Variants in ATP10B observed in about 807,000 individuals in gnomAD.
The protein encoded by ATP10B is ATPase phospholipid transporting 10B (putative).
Under a neutral mutation model 141.2 loss-of-function variants are expected in ATP10B, and 122 were observed. The ratio of observed to expected loss-of-function variants is 0.86; its 90% CI spans 0.75 to 1.00. ATP10B has a LOEUF of 1.00. Among genes scored for constraint, ATP10B ranks in the 50% least tolerant of loss-of-function variants. The probability of loss-of-function intolerance (pLI) is 0.00; values close to 1 mark genes in which losing one functional copy is unlikely to be tolerated. For synonymous variants in ATP10B, 685 were observed against 692.0 expected, an observed-to-expected ratio of 0.99 and a Z score of 0.16; for missense variants, 1,876 against 1,825.3, an observed-to-expected ratio of 1.03 and a Z score of -0.51.
chr5:160,640,390 T>C, intron 10 of ATP10B, 71 bp downstream of exon 10: 2 of 1,549,434 alleles, frequency 1.3e-6, no homozygotes, highest in East Asian at 4.5e-5. Context: ...ACTTTATAAA[T>C]GAGGAAGCTG....
chr5:160,921,609 C>T, the ATP10B span, among the ~76,000 whole-genome samples: 1 of 152,226 alleles, frequency 6.6e-6, no homozygotes, highest in African/African-American at 2.4e-5. Context: ...TTTATAGTCA[C>T]TCTCTGTTTG....
At position 160,607,015 on chromosome 5, in the gene ATP10B, G is replaced by T. The variant is rs779229491; in HGVS notation, c.2910C>A (p.Asp970Glu). Reference protein sequence around the residue: ...LKQFRELQKPDRKLFGFRLPS... With the variant: ...LKQFRELQKPERKLFGFRLPS... The stretch of plus-strand genomic sequence containing the variant: ...GTAAGCGGAATCCAAAGAGCTTGCG[G>T]TCTGGCTTCTGTAGTTCACGAAATT... The change falls in exon 19 of 26, where the codon GAC (aspartate) becomes GAA (glutamate). Residue 970 changes from aspartate (D) to glutamate (E), a missense_variant. Physicochemically the swap from Asp to Glu is conservative, Grantham distance 45. Coordinates refer to ENST00000327245, the MANE Select transcript of ATP10B (RefSeq NM_025153.3). 2.7e-5 allele frequency: 43 copies of T among 1,614,028 alleles called. No homozygotes were observed. The South Asian group carries it at 4.6e-4, about 17-fold the overall frequency.
chr5:160,791,260 T>G (rs1157335347), intron 1 of ATP10B, among the ~76,000 whole-genome samples: 2 of 152,144 alleles, frequency 1.3e-5, no homozygotes, highest in Admixed American at 1.3e-4. Context: ...TAAATAAAGT[T>G]GTGTTGTTTT....
rs748970870 is a variant in ATP10B, at chr5:160,688,061, A to G, written c.14T>C (p.Val5Ala). 2.9e-5 allele frequency: 46 copies of G among 1,612,768 alleles called. No homozygotes were observed. The highest frequency in any genetic ancestry group is 3.9e-5 in the Non-Finnish European group (46 of 1,179,652). The change falls in exon 5 of 26, where the codon GTG becomes GCG. Residue 5 changes from valine (V) to alanine (A), a missense_variant. Transcript: ENST00000327245. The stretch of plus-strand genomic sequence containing the variant: ...CTGCCACCGATGCCACGATGAGTCC[A>G]CTGAGAGGGCCATTTCCAGCAGCAG... The part of the protein sequence containing the change: MALS[V>A]DSSWHRWQWR...
chr5:160,912,695 A>C, the ATP10B span, among the ~76,000 whole-genome samples: 2 of 152,062 alleles, frequency 1.3e-5, no homozygotes, highest in Non-Finnish European at 1.5e-5. Context: ...AGAAAAAAGA[A>C]AAAAGAAAAG....
intron 1 of ATP10B, among the ~76,000 whole-genome samples, chr5:160,793,482 G>GGATAGT (rs1771734724): frequency 6.6e-6 from 1 of 152,118 alleles, no homozygotes; most frequent in South Asian, 2.1e-4. Flanking sequence ...TATTTATATT[G>GGATAGT]TAAATACAGT....
At chr5:160,871,211 T>G in the ATP10B span, among the ~76,000 whole-genome samples, 5 of 152,086 alleles carry the variant, frequency 3.3e-5, no homozygotes, top group Admixed American at 3.3e-4. Context: ...AAAAATGCAA[T>G]ATGCTTTATT....
At chr5:160,895,748 C>A in the ATP10B span, among the ~76,000 whole-genome samples, 1 of 152,190 alleles carries the variant, frequency 6.6e-6, no homozygotes, top group African/African-American at 2.4e-5. Context: ...AATATACATT[C>A]TTCTCAGCAC....
the ATP10B span, among the ~76,000 whole-genome samples, chr5:160,871,398 G>A: frequency 1.2e-4 from 18 of 152,124 alleles, no homozygotes; most frequent in South Asian, 2.1e-4. Context: ...GGTTATTGCC[G>A]TACAGGTGGT....
At chr5:160,785,410 T>A in intron 2 of ATP10B, 149 bp downstream of exon 2, 1 of 334,306 alleles carries the variant, frequency 3.0e-6, no homozygotes, top group South Asian at 2.4e-5. Context: ...GAGGAAGAGA[T>A]AGCGGTGGTG....
At chr5:160,737,726 G>A (rs1432471246) in intron 2 of ATP10B, among the ~76,000 whole-genome samples, 2 of 151,912 alleles carry the variant, frequency 1.3e-5, no homozygotes, top group East Asian at 1.9e-4. Context: ...AAAAAGAAGA[G>A]GCATTTTATA....
At chr5:160,636,998 A>ACCCC (rs58857449) in intron 10 of ATP10B, among the ~76,000 whole-genome samples, 1 of 27,490 alleles carries the variant, frequency 3.6e-5, no homozygotes, top group Non-Finnish European at 7.2e-5. Context: ...CCACCCACCC[A>ACCCC]TCCATCAATC....
chr5:160,743,528 A>T (rs777431498), intron 2 of ATP10B, among the ~76,000 whole-genome samples: 1 of 152,172 alleles, frequency 6.6e-6, no homozygotes, highest in Non-Finnish European at 1.5e-5. Flanking sequence ...TAGAGAGGTC[A>T]ATCAATGCAG....
At chr5:160,744,589 CAACT>C (rs1561809666) in intron 2 of ATP10B, among the ~76,000 whole-genome samples, 3 of 152,210 alleles carry the variant, frequency 2.0e-5, no homozygotes, top group Admixed American at 6.5e-5. Context: ...TTCCTAACCA[CAACT>C]AACAACTGGA....
intron 16 of ATP10B, among the ~76,000 whole-genome samples, chr5:160,617,088 C>T (rs1395169311): frequency 6.6e-6 from 1 of 152,116 alleles, no homozygotes. Context: ...TAATGCTGAC[C>T]TAAGAACCAT....
the ATP10B span, among the ~76,000 whole-genome samples, chr5:160,879,993 A>G: frequency 4.6e-5 from 7 of 151,944 alleles, no homozygotes; most frequent in Non-Finnish European, 8.8e-5. Context: ...AGCAAACACC[A>G]TGTATATATT....
chr5:160,621,783 C>T (rs570720837), intron 14 of ATP10B, among the ~76,000 whole-genome samples: 17 of 152,278 alleles, frequency 1.1e-4, no homozygotes, highest in Admixed American at 3.9e-4. Flanking sequence ...GGCAAATCCA[C>T]CTTCAGTAGA....
the ATP10B span, among the ~76,000 whole-genome samples, chr5:160,867,971 C>T: frequency 6.6e-6 from 1 of 152,018 alleles, no homozygotes; most frequent in Non-Finnish European, 1.5e-5. Context: ...AGGTCCTGTG[C>T]CTATCTAAAT....
intron 8 of ATP10B, among the ~76,000 whole-genome samples, chr5:160,646,070 A>G (rs1760257248): frequency 1.3e-5 from 2 of 152,184 alleles, no homozygotes; most frequent in Non-Finnish European, 2.9e-5. Context: ...TAGTAGGATG[A>G]TTATTTTTAT....
Sources: allele counts gnomAD v4.1 joint callset (sites outside exome capture counted in the v4.1 genomes callset), GRCh38; gene constraint gnomAD v4.1.1; transcripts MANE v1.5; gene names NCBI Gene and HGNC (gene_info 2026-07-23, HGNC 2026-07-21).